ANK3: variants seen among roughly 807,000 people sequenced by gnomAD.
ANK3 encodes the protein ankyrin 3, also known as ankyrin-3.
In ANK3, 57 loss-of-function variants were observed where a neutral mutation model predicts 370.9. The observed-to-expected ratio is 0.15, with a 90% CI of 0.12 to 0.19. The LOEUF (loss-of-function observed/expected upper bound fraction) is 0.19. Ranked by LOEUF, ANK3 falls within the 10% of genes least tolerant of loss-of-function variation. The pLI, the probability that ANK3 is intolerant of heterozygous loss-of-function variation, is 1.00. For missense variants in ANK3, 4,439 were observed against 5,302.1 expected (o/e 0.84, Z 5.06); for synonymous variants, 1,929 against 1,946.3 (o/e 0.99, Z 0.23).
intron 2 of ANK3, among the ~76,000 whole-genome samples, chr10:60,592,190 T>C (rs1267775367): frequency 6.6e-6 from 1 of 152,274 alleles, no homozygotes; most frequent in African/African-American, 2.4e-5. Context: ...ATGTACCCCA[T>C]AAATATATAC....
chr10:60,110,822 C>A (rs867865831), intron 26 of ANK3, among the ~76,000 whole-genome samples: 2 of 152,116 alleles, frequency 1.3e-5, no homozygotes, highest in Non-Finnish European at 2.9e-5. Context: ...AAACGATTCA[C>A]GACAAACTCT....
intron 2 of ANK3, among the ~76,000 whole-genome samples, chr10:60,418,274 A>G (rs1453437497): frequency 6.6e-6 from 1 of 152,130 alleles, no homozygotes; most frequent in African/African-American, 2.4e-5. Context: ...CTCAATAAAT[A>G]TACACCACAC....
At chr10:60,642,657 T>C (rs1322648969) in intron 1 of ANK3, among the ~76,000 whole-genome samples, 1 of 151,854 alleles carries the variant, frequency 6.6e-6, no homozygotes, top group Non-Finnish European at 1.5e-5. Flanking sequence ...AGGGATAGCA[T>C]TAGGAGATAT....
At chr10:60,183,082 A>G (rs2096241952) in intron 17 of ANK3, among the ~76,000 whole-genome samples, 1 of 152,144 alleles carries the variant, frequency 6.6e-6, no homozygotes, top group African/African-American at 2.4e-5. Flanking sequence ...TCATGCTCCC[A>G]TGTCTAGGTG....
At chr10:60,537,517 T>A (rs2076751182) in intron 2 of ANK3, among the ~76,000 whole-genome samples, 1 of 151,842 alleles carries the variant, frequency 6.6e-6, no homozygotes, top group Non-Finnish European at 1.5e-5. Flanking sequence ...CTACTAGATA[T>A]CCCACCTAAT....
intron 1 of ANK3, among the ~76,000 whole-genome samples, chr10:60,356,159 T>C (rs769074945): frequency 6.6e-5 from 10 of 152,192 alleles, no homozygotes; most frequent in Non-Finnish European, 1.3e-4. Context: ...GTAGTCTCCT[T>C]AGACCTCTGG....
At chr10:60,440,953 T>A (rs2064286280) in intron 2 of ANK3, among the ~76,000 whole-genome samples, 1 of 152,054 alleles carries the variant, frequency 6.6e-6, no homozygotes, top group African/African-American at 2.4e-5. Flanking sequence ...AAATACTGAG[T>A]TTGAGGAGCT....
chr10:60,263,736 C>T, intron 6 of ANK3, 99 bp downstream of exon 6: 1 of 1,349,228 alleles, frequency 7.4e-7, no homozygotes, highest in Non-Finnish European at 1.0e-6. Context: ...AAGTTAAAGG[C>T]ATGGCATAAG....
chr10:60,361,891 G>A (rs994624656), intron 1 of ANK3, among the ~76,000 whole-genome samples: 1 of 151,790 alleles, frequency 6.6e-6, no homozygotes, highest in Non-Finnish European at 1.5e-5. Context: ...TATGTTTTGT[G>A]AAAACTGCTT....
intron 2 of ANK3, among the ~76,000 whole-genome samples, chr10:60,582,841 C>T (rs898773247): frequency 1.3e-5 from 2 of 152,046 alleles, no homozygotes; most frequent in South Asian, 4.1e-4. Context: ...ACTCCAGTCA[C>T]AGTGGCTACT....
intron 1 of ANK3, among the ~76,000 whole-genome samples, chr10:60,672,404 G>T (rs1257886893): frequency 6.6e-6 from 1 of 152,186 alleles, no homozygotes; most frequent in Admixed American, 6.5e-5. Context: ...CATCCTCTGG[G>T]AAGAGGCAAT....
At chr10:60,554,698 A>C (rs1156926949) in intron 2 of ANK3, among the ~76,000 whole-genome samples, 1 of 152,184 alleles carries the variant, frequency 6.6e-6, no homozygotes, top group East Asian at 1.9e-4. Context: ...TATTACTTAA[A>C]AATAATAGCA....
chr10:60,648,175 T>G (rs2078736617), intron 1 of ANK3, among the ~76,000 whole-genome samples: 4 of 84,290 alleles, frequency 4.7e-5, no homozygotes, highest in South Asian at 4.5e-4. Flanking sequence ...TTTTTTGAGA[T>G]GGAGTCTCGC....
At chr10:60,576,527 G>A (rs1567159638) in intron 2 of ANK3, among the ~76,000 whole-genome samples, 2 of 152,128 alleles carry the variant, frequency 1.3e-5, no homozygotes, top group South Asian at 4.1e-4. Context: ...CACATTAAAG[G>A]TAAAACAAAA....
chr10:60,246,314 G>GT lies in ANK3; in HGVS notation c.799-11529dup, dbSNP rs113586498. Among the ~76,000 whole-genome samples, 82 of 136,786 alleles carry GT rather than the reference G, an allele frequency of 6.0e-4. 1 individual carries two copies. In the Middle Eastern group the frequency reaches 0.011, roughly 19 times the overall value. 89.7% of individuals were successfully genotyped at this position (136,786 alleles called of 152,430 possible). Reference sequence around the variant, plus strand: ...GAAAAAAAGATGATCACCATTGTAAGTTTTTTTTTTTCCTCTTTCTTCATG... The same window carrying GT: ...GAAAAAAAGATGATCACCATTGTAAGTTTTTTTTTTTTCCTCTTTCTTCATG... On this transcript the variant is annotated intron_variant, in intron 7 of 43. Coordinates refer to ENST00000280772, the MANE Select transcript of ANK3 (RefSeq NM_020987.5).
chr10:60,730,825 G>A (rs2080012054), intron 1 of ANK3, among the ~76,000 whole-genome samples: 1 of 152,146 alleles, frequency 6.6e-6, no homozygotes, highest in South Asian at 2.1e-4. Context: ...TTAATAATGT[G>A]AGTTTGGGGA....
chr10:60,429,290 C>T (rs2063960579), intron 2 of ANK3, among the ~76,000 whole-genome samples: 1 of 152,076 alleles, frequency 6.6e-6, no homozygotes, highest in African/African-American at 2.4e-5. Context: ...ATCTTCCTTC[C>T]TGTTTCTCTG....
At chr10:60,574,717 G>A (rs944064663) in intron 2 of ANK3, among the ~76,000 whole-genome samples, 15 of 152,148 alleles carry the variant, frequency 9.9e-5, no homozygotes, top group African/African-American at 3.6e-4. Context: ...TGAGGGATGA[G>A]GATGAGGTAG....
chr10:60,367,361 GA>G (rs1167460350), intron 1 of ANK3, among the ~76,000 whole-genome samples: 1 of 152,172 alleles, frequency 6.6e-6, no homozygotes, highest in African/African-American at 2.4e-5. Flanking sequence ...AAGAGGATTA[GA>G]ATTTACAATT....
Sources: allele counts gnomAD v4.1 joint callset (sites outside exome capture counted in the v4.1 genomes callset), GRCh38; gene constraint gnomAD v4.1.1; transcripts MANE v1.5; gene names NCBI Gene and HGNC (gene_info 2026-07-23, HGNC 2026-07-21).